SBNO1: variants seen among roughly 807,000 people sequenced by gnomAD.
SBNO1 encodes the protein protein strawberry notch homolog 1.
SBNO1 carries 23 observed loss-of-function variants against 173.6 expected under a neutral mutation model. That is an observed-to-expected ratio of 0.13 (90% CI 0.10 to 0.19). The LOEUF is 0.19. SBNO1 is among the 10% of genes least tolerant of loss of function. The pLI is 1.00. For synonymous variants in SBNO1, 632 were observed against 571.5 expected (o/e 1.11, Z -1.51); for missense variants, 1,238 against 1,671.2 (o/e 0.74, Z 4.52).
At chr12:123,320,639 C>G (rs757916778) in intron 18 of SBNO1, 32 bp from the exon 19 acceptor site, 1 of 1,600,316 alleles carries the variant, frequency 6.2e-7, no homozygotes, top group Non-Finnish European at 8.5e-7. Context: ...AAAGTTAGTA[C>G]AAAGTTTAAA....
chr12:123,333,802 T>C (rs1191953828), intron 7 of SBNO1, among the ~76,000 whole-genome samples: 1 of 152,160 alleles, frequency 6.6e-6, no homozygotes, highest in Admixed American at 6.6e-5. Context: ...CTGGTCGATA[T>C]ACATATTTTT....
intron 28 of SBNO1, among the ~76,000 whole-genome samples, chr12:123,305,386 AAT>A (rs1174115908): frequency 2.0e-5 from 3 of 152,214 alleles, no homozygotes; most frequent in Admixed American, 1.3e-4. Flanking sequence ...AGAAAGCAAA[AAT>A]GTTGAACAAA....
At chr12:123,342,060 T>C (rs1197721136) in intron 4 of SBNO1, among the ~76,000 whole-genome samples, 2 of 151,758 alleles carry the variant, frequency 1.3e-5, no homozygotes, top group East Asian at 3.9e-4. Flanking sequence ...TCCCAGCACT[T>C]TGGGAGGCCG....
chr12:123,304,705 C>T lies in SBNO1; in HGVS notation c.3645G>A (p.Lys1215=). ...FYLSLQIRNN[K]KTAILVKEVN... ...CTTCTTTAACTAAGATGGCAGTTTT[C>T]TTGTTGTTCCTTATCTGTTTAAAGA... The change falls in exon 29 of 32, where the codon AAG becomes AAA. Residue 1215 remains lysine, a synonymous_variant. Transcript: ENST00000602398. 2 of 1,524,904 alleles carry T rather than the reference C, an allele frequency of 1.3e-6. No homozygotes were observed. Among genetic ancestry groups the T allele is most frequent in the Non-Finnish European group, 1.8e-6 (2 of 1,106,554 alleles). The allele number at this position is 1,524,904 out of a possible 1,614,324, so 94.5% of individuals were successfully genotyped here. A position where few individuals can be genotyped will look rare whatever the true frequency, so the allele number is the denominator to read the frequency against.
chr12:123,349,389 A>G (rs1255824689), intron 2 of SBNO1, among the ~76,000 whole-genome samples: 1 of 152,110 alleles, frequency 6.6e-6, no homozygotes, highest in Non-Finnish European at 1.5e-5. Context: ...GGCATGAGAC[A>G]CTATGCCCAG....
At chr12:123,317,631 G>A (rs1869439355) in intron 20 of SBNO1, among the ~76,000 whole-genome samples, 1 of 152,120 alleles carries the variant, frequency 6.6e-6, no homozygotes, top group Admixed American at 6.6e-5. Context: ...AAAATGTAGA[G>A]GTACTGACAA....
At chr12:123,318,737 CAAAAA>C (rs56158087) in intron 20 of SBNO1, among the ~76,000 whole-genome samples, 1 of 116,528 alleles carries the variant, frequency 8.6e-6, no homozygotes. Context: ...GACTCTGTCT[CAAAAA>C]AAAAAAAAAA....
intron 13 of SBNO1, 146 bp downstream of exon 13, chr12:123,327,280 A>G: frequency 3.0e-6 from 2 of 676,898 alleles, no homozygotes; most frequent in Non-Finnish European, 5.0e-6. Context: ...CAAAGTGCTG[A>G]GGCATGAGAC....
chr12:123,310,454 G>C (rs2049024270), intron 25 of SBNO1, among the ~76,000 whole-genome samples: 1 of 151,858 alleles, frequency 6.6e-6, no homozygotes, highest in African/African-American at 2.4e-5. Flanking sequence ...TGATGGTCTT[G>C]GACTCCTGAC....
intron 28 of SBNO1, among the ~76,000 whole-genome samples, chr12:123,306,660 G>A (rs2048922547): frequency 1.3e-5 from 2 of 152,110 alleles, no homozygotes; most frequent in South Asian, 4.1e-4. Flanking sequence ...GTTCGAGACT[G>A]TCCTGAAAAT....
intron 26 of SBNO1, 40 bp downstream of exon 26, chr12:123,309,670 T>C: frequency 6.2e-7 from 1 of 1,607,748 alleles, no homozygotes; most frequent in East Asian, 2.2e-5. Flanking sequence ...CTCCACATTT[T>C]CCCTGGGGAC....
intron 28 of SBNO1, among the ~76,000 whole-genome samples, chr12:123,306,039 A>G (rs765027273): frequency 1.3e-5 from 2 of 152,228 alleles, no homozygotes; most frequent in Non-Finnish European, 2.9e-5. Context: ...AATGAAAAAC[A>G]CAATATTTTA....
chr12:123,304,455 C>T (rs771239469), intron 29 of SBNO1, 127 bp downstream of exon 29: 16 of 671,530 alleles, frequency 2.4e-5, no homozygotes, highest in Middle Eastern at 4.2e-4. Context: ...AGGCTGGTCT[C>T]GAACTCCTGA....
At chr12:123,296,175 A>C in intron 31 of SBNO1, 125 bp from the exon 32 acceptor site, 23 of 605,756 alleles carry the variant, frequency 3.8e-5, no homozygotes, top group Admixed American at 5.6e-5. Flanking sequence ...ACAAAAATTA[A>C]ACGACTACCT....
chr12:123,296,151 G>A, intron 31 of SBNO1, 101 bp from the exon 32 acceptor site: 1 of 698,148 alleles, frequency 1.4e-6, no homozygotes, highest in Non-Finnish European at 2.5e-6. Flanking sequence ...AAGCGTAATG[G>A]ACAAGAAGTT....
intron 30 of SBNO1, among the ~76,000 whole-genome samples, chr12:123,301,946 T>G (rs1205507340): frequency 5.3e-5 from 7 of 132,308 alleles, no homozygotes; most frequent in Admixed American, 4.6e-4. Flanking sequence ...AAGTGGTTTG[T>G]TTTTTTTTTT....
rs1480069616 is a variant in SBNO1, at chr12:123,330,920, A to G, written c.1043+322T>C. Among the ~76,000 whole-genome samples the G allele has an allele frequency of 2.0e-5, 3 of 152,154 alleles. No individual in the cohort carries two copies. The East Asian group carries it at 5.8e-4, about 29-fold the overall frequency. The stretch of plus-strand genomic sequence containing the variant: ...AGCCTGGGTGACAAAGATCCTGTCT[A>G]GATGGGGAAGGCGGATCCCATCCCC... On this transcript the variant is annotated intron_variant, in intron 8 of 31. Coordinates refer to ENST00000602398, the MANE Select transcript of SBNO1 (RefSeq NM_001167856.3).
At chr12:123,362,025 G>C (rs1404671321) in intron 1 of SBNO1, among the ~76,000 whole-genome samples, 1 of 151,896 alleles carries the variant, frequency 6.6e-6, no homozygotes, top group Non-Finnish European at 1.5e-5. Context: ...TGTAGTCCCA[G>C]CTATTTGGGA....
chr12:123,341,140 TC>T (rs1872517488), intron 4 of SBNO1, 52 bp from the exon 5 acceptor site: 1 of 1,105,350 alleles, frequency 9.0e-7, no homozygotes, highest in Non-Finnish European at 1.3e-6. Flanking sequence ...GAACTTATTT[TC>T]CCATTATTTA....
Sources: gnomAD v4.1 joint callset for allele counts (sites outside exome capture counted in the v4.1 genomes callset) on GRCh38, gnomAD v4.1.1 for gene constraint, MANE v1.5 for transcripts, NCBI Gene and HGNC (gene_info 2026-07-23, HGNC 2026-07-21) for gene names.